CCDC191: variants seen among roughly 807,000 people sequenced by gnomAD.
CCDC191 encodes the protein coiled-coil domain-containing protein 191.
CCDC191 carries 99 observed loss-of-function variants against 114.0 expected under a neutral mutation model. The observed-to-expected ratio is 0.87, with a 90% CI of 0.74 to 1.03. CCDC191 has a LOEUF of 1.03. Ranked by LOEUF, CCDC191 falls within the 50% of genes least tolerant of loss-of-function variation. The probability of loss-of-function intolerance (pLI) is 0.00; values close to 1 mark genes in which losing one functional copy is unlikely to be tolerated. For synonymous variants in CCDC191, 351 were observed against 376.0 expected, an observed-to-expected ratio of 0.93 and a Z score of 0.77; for missense variants, 973 against 1,087.0, an observed-to-expected ratio of 0.90 and a Z score of 1.47.
intron 5 of CCDC191, 112 bp from the exon 6 acceptor site, chr3:114,035,260 C>A: frequency 1.4e-6 from 1 of 702,014 alleles, no homozygotes; most frequent in Non-Finnish European, 2.4e-6. Context: ...AATATGCTGG[C>A]CCAGAACTCC....
At chr3:113,977,277 A>T (rs1221940553) in intron 16 of CCDC191, among the ~76,000 whole-genome samples, 1 of 152,112 alleles carries the variant, frequency 6.6e-6, no homozygotes, top group African/African-American at 2.4e-5. Context: ...CAACAGAGTA[A>T]TGTTGAGAAA....
intron 10 of CCDC191, 123 bp downstream of exon 10, chr3:114,005,385 G>A: frequency 2.2e-6 from 2 of 926,506 alleles, no homozygotes; most frequent in East Asian, 4.9e-5. Context: ...TCTTTGCTTT[G>A]AGAGTGCAAA....
chr3:113,998,049 T>TA (rs1228757884), intron 13 of CCDC191, among the ~76,000 whole-genome samples: 1 of 151,958 alleles, frequency 6.6e-6, no homozygotes, highest in Non-Finnish European at 1.5e-5. Flanking sequence ...CTCATGCCTA[T>TA]AATCCCAGCA....
chr3:114,004,419 C>T (rs1445573032), intron 11 of CCDC191: 4 of 1,102,228 alleles, frequency 3.6e-6, no homozygotes, highest in African/African-American at 1.7e-5. Flanking sequence ...TGTGTGTTGG[C>T]TGGGAATGCC....
intron 15 of CCDC191, 97 bp downstream of exon 15, chr3:113,978,761 A>AAACAT: frequency 7.4e-7 from 1 of 1,343,392 alleles, no homozygotes; most frequent in Non-Finnish European, 1.0e-6. Flanking sequence ...GTTCTTGAAA[A>AAACAT]AACATAATGA....
At chr3:114,011,203 T>C (rs576962008) in intron 8 of CCDC191, among the ~76,000 whole-genome samples, 182 bp from the exon 9 acceptor site, 1 of 152,332 alleles carries the variant, frequency 6.6e-6, no homozygotes, top group Non-Finnish European at 1.5e-5. Context: ...GATCTCCTCA[T>C]AGAAGGTGTC....
chr3:113,966,297 T>C (rs964476028), intron 16 of CCDC191, among the ~76,000 whole-genome samples: 12 of 152,218 alleles, frequency 7.9e-5, no homozygotes, highest in African/African-American at 2.9e-4. Flanking sequence ...GTGTCTGTGC[T>C]GTCACAGGGA....
intron 16 of CCDC191, 35 bp downstream of exon 16, chr3:113,978,151 C>T (rs753755602): frequency 1.2e-6 from 2 of 1,610,018 alleles, no homozygotes; most frequent in Non-Finnish European, 1.7e-6. Flanking sequence ...ATTGTGAAGT[C>T]AGAGAGTGAA....
In CCDC191 at chr3:113,965,240, T is replaced by G; in HGVS notation, c.2726A>C (p.Asp909Ala). Residue 909 changes from aspartate to alanine, a missense_variant, in exon 17 of 17, where the codon GAC (aspartate) becomes GCC (alanine). Physicochemically the swap from Asp to Ala is moderately radical, Grantham distance 126 (BLOSUM62 -2). Transcript: ENST00000295878. Reference sequence around the variant, plus strand: ...GTGGTACCTTCCAGGTACCTGGAAGTCTGGAAGAATTTCAACTACCTTCCT... The same window carrying G: ...GTGGTACCTTCCAGGTACCTGGAAGGCTGGAAGAATTTCAACTACCTTCCT... ...LRRKVVEILP[D>A]FQVPGRYHEL... 3 of 1,611,656 alleles carry G rather than the reference T, an allele frequency of 1.9e-6. No homozygotes were observed. The highest frequency in any genetic ancestry group is 1.7e-6 in the Non-Finnish European group (2 of 1,178,594).
At position 114,020,204 on chromosome 3, in the gene CCDC191, T is replaced by C. The variant is rs184534712; in HGVS notation, c.973-1336A>G. 4.0e-4 allele frequency among the ~76,000 whole-genome samples: 61 copies of C among 152,258 alleles called. No individual in the cohort carries two copies. The South Asian group carries it at 5.8e-3, about 14-fold the overall frequency. ...TAAGCAACCATCACTGTGTTTCAAT[T>C]TGGGGACTCTGCACAAAATTGTTTG... is the stretch of plus-strand genomic sequence containing the variant. On this transcript the variant is annotated intron_variant, in intron 7 of 16. Coordinates refer to ENST00000295878, the MANE Select transcript of CCDC191 (RefSeq NM_020817.2).
At chr3:113,966,585 C>T (rs779054028) in intron 16 of CCDC191, among the ~76,000 whole-genome samples, 1 of 152,062 alleles carries the variant, frequency 6.6e-6, no homozygotes, top group Non-Finnish European at 1.5e-5. Context: ...GGCAACGAAG[C>T]GAGAATAGCA....
intron 4 of CCDC191, among the ~76,000 whole-genome samples, chr3:114,041,469 T>G (rs1429078340): frequency 1.3e-5 from 2 of 152,170 alleles, no homozygotes; most frequent in African/African-American, 2.4e-5. Flanking sequence ...TAACGGAAAC[T>G]TCTATGAGAA....
At chr3:113,978,447 A>T (rs2075014607) in intron 15 of CCDC191, 116 bp from the exon 16 acceptor site, 3 of 1,041,606 alleles carry the variant, frequency 2.9e-6, no homozygotes. Context: ...GACACTAGAG[A>T]CATACAAAGA....
intron 3 of CCDC191, among the ~76,000 whole-genome samples, chr3:114,043,640 G>A (rs1454815421): frequency 6.6e-6 from 1 of 152,188 alleles, no homozygotes; most frequent in Non-Finnish European, 1.5e-5. Context: ...GGAAGCCACA[G>A]GAGAGATGTG....
At position 114,018,792 on chromosome 3, in the gene CCDC191, A is replaced by G; in HGVS notation, c.1049T>C (p.Leu350Pro). 6.2e-7 allele frequency: 1 copy of G among 1,613,954 alleles called. No homozygotes were observed. ...HRIKLGKAGTLSDWKIQLKVL... is the reference protein window; with the variant it reads ...HRIKLGKAGTPSDWKIQLKVL... ...CTTCAGCTGAATCTTCCAGTCAGAC[A>G]GGGTCCCAGCTTTCCCCAGCTTAAT... The change falls in exon 8 of 17, where the codon CTG becomes CCG. Residue 350 changes from leucine to proline, a missense_variant. Leu to Pro is a moderately conservative substitution (Grantham distance 98). Transcript: ENST00000295878.
In CCDC191 at chr3:114,018,731, C is replaced by T; in HGVS notation, c.1110G>A (p.Gln370=). The T allele has an allele frequency of 6.2e-7, 1 of 1,613,524 alleles. No homozygotes were observed. Among genetic ancestry groups the T allele is most frequent in the Non-Finnish European group, 8.5e-7 (1 of 1,179,714 alleles). Reference sequence around the variant, plus strand: ...AGGCTTGAGTCTCCCGCTCCAACTTCTGGAATCTTGTGTAGTCTCTCCAGG... The same window carrying T: ...AGGCTTGAGTCTCCCGCTCCAACTTTTGGAATCTTGTGTAGTCTCTCCAGG... ...LRAWRDYTRF[Q]KLERETQALE... Residue 370 remains glutamine (Q), a synonymous_variant, in exon 8 of 17, where the codon CAG becomes CAA. Coordinates refer to ENST00000295878, the MANE Select transcript of CCDC191 (RefSeq NM_020817.2).
intron 13 of CCDC191, among the ~76,000 whole-genome samples, chr3:113,982,807 T>C (rs2107616512): frequency 6.7e-6 from 1 of 148,484 alleles, no homozygotes; most frequent in Non-Finnish European, 1.5e-5. Context: ...GGATTATTCC[T>C]ATCAGTATGC....
At chr3:114,007,872 C>T (rs373106621) in intron 9 of CCDC191, among the ~76,000 whole-genome samples, 58 of 151,682 alleles carry the variant, frequency 3.8e-4, no homozygotes, top group African/African-American at 1.4e-3. Context: ...TTGCTGTACA[C>T]GCTGGAAAAA....
Position 114,004,637 on chromosome 3 carries a change from C to A in CCDC191, c.1978G>T (p.Ala660Ser), listed in dbSNP as rs777023580. The change falls in exon 11 of 17, where the codon GCT becomes TCT. Residue 660 changes from alanine to serine, a missense_variant and splice_region_variant. By Grantham distance (99) the Ala-to-Ser change is moderately conservative. Transcript: ENST00000295878. Reference sequence around the variant, plus strand: ...AAGGCCACCACCGAGACAGCCCTGCCTTTTAGTATGGGATGCGGTGTCATC... The same window carrying A: ...AAGGCCACCACCGAGACAGCCCTGCATTTTAGTATGGGATGCGGTGTCATC... The part of the protein sequence containing the change: ...QLMTPHPILK[A>S]MEERAIQRAE... 6.2e-7 allele frequency: 1 copy of A among 1,611,960 alleles called. No individual in the cohort carries two copies. Among genetic ancestry groups the A allele is most frequent in the Non-Finnish European group, 8.5e-7 (1 of 1,178,762 alleles).
Sources: allele counts gnomAD v4.1 joint callset (sites outside exome capture counted in the v4.1 genomes callset), GRCh38; gene constraint gnomAD v4.1.1; transcripts MANE v1.5; gene names NCBI Gene and HGNC (gene_info 2026-07-23, HGNC 2026-07-21).